FBXL7: variants seen among roughly 807,000 people sequenced by gnomAD.
FBXL7 encodes the protein F-box/LRR-repeat protein 7.
FBXL7 carries 12 observed loss-of-function variants against 38.3 expected under a neutral mutation model. The ratio of observed to expected loss-of-function variants is 0.31; its 90% CI spans 0.20 to 0.51. The LOEUF is 0.51. FBXL7 is among the 20% of genes least tolerant of loss of function. The pLI, the probability that FBXL7 is intolerant of heterozygous loss-of-function variation, is 0.98. For synonymous variants in FBXL7, 297 were observed against 300.9 expected, an observed-to-expected ratio of 0.99 and a Z score of 0.13; for missense variants, 567 against 676.4, an observed-to-expected ratio of 0.84 and a Z score of 1.79.
chr5:15,552,368 C>T (rs1460881893), intron 1 of FBXL7, among the ~76,000 whole-genome samples: 2 of 152,140 alleles, frequency 1.3e-5, no homozygotes, highest in Non-Finnish European at 2.9e-5. Context: ...TCTTCTCATG[C>T]CATCATCTCT....
intron 2 of FBXL7, among the ~76,000 whole-genome samples, chr5:15,643,490 T>C (rs1215377763): frequency 1.3e-5 from 2 of 152,210 alleles, no homozygotes; most frequent in Non-Finnish European, 2.9e-5. Flanking sequence ...TGGAACAACA[T>C]GTGGAAACCC....
intron 2 of FBXL7, among the ~76,000 whole-genome samples, chr5:15,779,882 T>A (rs953372879): frequency 7.9e-5 from 12 of 152,304 alleles, no homozygotes; most frequent in Non-Finnish European, 1.3e-4. Context: ...ACTCTTGGAA[T>A]ACTTGTTTTT....
Position 15,833,692 on chromosome 5 carries a change from G to A in FBXL7, c.128-94198G>A, listed in dbSNP as rs116016066. Among the ~76,000 whole-genome samples, 385 of 152,268 alleles carry A rather than the reference G, an allele frequency of 2.5e-3. 3 individuals are homozygous for A. The highest frequency in any genetic ancestry group is 8.5e-3 in the African/African-American group (354 of 41,550). The stretch of plus-strand genomic sequence containing the variant: ...TTTGCCGTTTTTCTGTGTGATGCAC[G>A]GAGACCCATATTCAAGCTAAGAGAG... On this transcript the variant is annotated intron_variant, in intron 2 of 3. Transcript: ENST00000504595.
At chr5:15,861,028 T>C (rs1298329088) in intron 2 of FBXL7, among the ~76,000 whole-genome samples, 1 of 152,224 alleles carries the variant, frequency 6.6e-6, no homozygotes, top group East Asian at 1.9e-4. Context: ...ATTTGCTACA[T>C]GGCATTCCAC....
At chr5:15,824,321 G>T (rs939346740) in intron 2 of FBXL7, among the ~76,000 whole-genome samples, 5 of 149,672 alleles carry the variant, frequency 3.3e-5, no homozygotes, top group African/African-American at 1.2e-4. Flanking sequence ...AGAGAAAAAC[G>T]TGGACCATTT....
chr5:15,720,990 G>A (rs536351475), intron 2 of FBXL7, among the ~76,000 whole-genome samples: 149 of 152,114 alleles, frequency 9.8e-4, no homozygotes, highest in African/African-American at 3.3e-3. Flanking sequence ...AACTTACTCT[G>A]CACAATAGTG....
chr5:15,561,205 C>A (rs1281138837), intron 1 of FBXL7, among the ~76,000 whole-genome samples: 1 of 152,062 alleles, frequency 6.6e-6, no homozygotes, highest in Non-Finnish European at 1.5e-5. Context: ...CATCTTTGTA[C>A]CTCTTGACCT....
intron 1 of FBXL7, among the ~76,000 whole-genome samples, chr5:15,604,316 G>A (rs750144047): frequency 1.3e-5 from 2 of 152,070 alleles, no homozygotes; most frequent in Non-Finnish European, 1.5e-5. Context: ...TAAAAAGTTG[G>A]TATGTGGAAT....
At position 15,501,427 on chromosome 5, in the gene FBXL7, T is replaced by G. The variant is rs933380944; in HGVS notation, c.37+714T>G. The G allele has an allele frequency of 4.1e-6, 4 of 985,428 alleles. No individual in the cohort carries two copies. In the African/African-American group the frequency reaches 7.0e-5, roughly 17 times the overall value. The allele number at this position is 985,428 out of a possible 1,614,324, so 61.0% of individuals were successfully genotyped here. On this transcript the variant is annotated intron_variant, in intron 1 of 3. Coordinates refer to ENST00000504595, the MANE Select transcript of FBXL7 (RefSeq NM_012304.5). ...CTTCTCCCTTCTCTCTCCTACCTCC[T>G]CCCACTCTGCATAAAACCGTAGCGT...
chr5:15,535,924 T>C (rs892990299), intron 1 of FBXL7, among the ~76,000 whole-genome samples: 25 of 152,364 alleles, frequency 1.6e-4, no homozygotes, highest in Admixed American at 1.6e-3. Context: ...CAGCCCCTCC[T>C]ATCACAGGCC....
intron 1 of FBXL7, among the ~76,000 whole-genome samples, chr5:15,521,996 G>C (rs912527235): frequency 6.2e-4 from 94 of 152,262 alleles, no homozygotes; most frequent in African/African-American, 2.1e-3. Flanking sequence ...TGGAGGCTGG[G>C]GTGTCCATTT....
At chr5:15,802,808 C>T (rs1192372322) in intron 2 of FBXL7, among the ~76,000 whole-genome samples, 1 of 152,096 alleles carries the variant, frequency 6.6e-6, no homozygotes, top group Non-Finnish European at 1.5e-5. Flanking sequence ...CGTGCACCAC[C>T]ATGCCTGGCT....
At chr5:15,870,808 C>T (rs1317182019) in intron 2 of FBXL7, among the ~76,000 whole-genome samples, 1 of 152,178 alleles carries the variant, frequency 6.6e-6, no homozygotes, top group Non-Finnish European at 1.5e-5. Flanking sequence ...GCAGCAGCCC[C>T]ACTCAGGGGC....
chr5:15,646,442 C>A (rs1741536435), intron 2 of FBXL7, among the ~76,000 whole-genome samples: 1 of 152,108 alleles, frequency 6.6e-6, no homozygotes, highest in Non-Finnish European at 1.5e-5. Context: ...TGAAAGAATG[C>A]CAGGAAATAA....
chr5:15,898,801 C>T (rs1295751090), intron 2 of FBXL7, among the ~76,000 whole-genome samples: 1 of 152,196 alleles, frequency 6.6e-6, no homozygotes, highest in Non-Finnish European at 1.5e-5. Context: ...CATGCGTTTG[C>T]AGCGCCATTT....
At chr5:15,550,459 G>A (rs892434725) in intron 1 of FBXL7, among the ~76,000 whole-genome samples, 2 of 152,122 alleles carry the variant, frequency 1.3e-5, no homozygotes, top group African/African-American at 2.4e-5. Flanking sequence ...TCTGGAAGGC[G>A]CTGTTGGGAA....
intron 1 of FBXL7, among the ~76,000 whole-genome samples, chr5:15,546,812 A>G (rs928733581): frequency 7.2e-5 from 11 of 152,298 alleles, no homozygotes; most frequent in Admixed American, 2.6e-4. Context: ...TCATATTTCT[A>G]TTGGATAGAT....
At chr5:15,732,833 C>A (rs1319148121) in intron 2 of FBXL7, among the ~76,000 whole-genome samples, 1 of 152,174 alleles carries the variant, frequency 6.6e-6, no homozygotes, top group Admixed American at 6.5e-5. Flanking sequence ...GCACTTTAAT[C>A]TGGAAAGGGC....
rs367589820 is a variant in FBXL7 at position 15,549,054 on chromosome 5, C to T, written c.37+48341C>T. Among the ~76,000 whole-genome samples the T allele has an allele frequency of 2.1e-4, 32 of 152,246 alleles. No homozygotes were observed. In the South Asian group the frequency reaches 6.6e-3, roughly 32 times the overall value. On this transcript the variant is annotated intron_variant, in intron 1 of 3. Coordinates refer to ENST00000504595, the MANE Select transcript of FBXL7 (RefSeq NM_012304.5). ...GGCAAAATATGGGGGAGGCTTGTAG[C>T]GTTTCATCTTGTAGCCATGTTATTT... is the stretch of plus-strand genomic sequence containing the variant.
Sources: allele counts gnomAD v4.1 joint callset (sites outside exome capture counted in the v4.1 genomes callset), GRCh38; gene constraint gnomAD v4.1.1; transcripts MANE v1.5; gene names NCBI Gene and HGNC (gene_info 2026-07-23, HGNC 2026-07-21).